TAF1B: variants seen among roughly 807,000 people sequenced by gnomAD.
TAF1B encodes TATA-box binding protein associated factor, RNA polymerase I subunit B, also known as TATA box-binding protein-associated factor RNA polymerase I subunit B.
A neutral mutation model predicts 83.9 loss-of-function variants in TAF1B; 61 were observed. The observed-to-expected ratio is 0.73, with a 90% CI of 0.59 to 0.90. TAF1B has a LOEUF of 0.90. Among genes scored for constraint, TAF1B ranks in the 40% least tolerant of loss-of-function variants. The pLI is 0.00. For missense variants in TAF1B, 625 were observed against 677.0 expected, an observed-to-expected ratio of 0.92 and a Z score of 0.85; for synonymous variants, 221 against 224.6, an observed-to-expected ratio of 0.98 and a Z score of 0.14.
chr2:9,843,573 G>T lies in TAF1B; in HGVS notation c.18+14G>T, dbSNP rs1271978537. Reference sequence around the variant, plus strand: ...CTCGAGGAGGCGGTAAGGAGGCGGTGCACCTGGCGGGCCACGATCGCCGGG... The same window carrying T: ...CTCGAGGAGGCGGTAAGGAGGCGGTTCACCTGGCGGGCCACGATCGCCGGG... On this transcript the variant is annotated intron_variant, in intron 1 of 14. Transcript: ENST00000263663. 6.6e-7 allele frequency: 1 copy of T among 1,518,278 alleles called. No homozygotes were observed. Among genetic ancestry groups the T allele is most frequent in the Non-Finnish European group, 8.8e-7 (1 of 1,129,984 alleles). The allele number at this position is 1,518,278 out of a possible 1,614,324, so 94.1% of individuals were successfully genotyped here. A position where few individuals can be genotyped will look rare whatever the true frequency, so the allele number is the denominator to read the frequency against.
At chr2:9,929,657 T>C (rs1272095454) in intron 14 of TAF1B, among the ~76,000 whole-genome samples, 1 of 152,186 alleles carries the variant, frequency 6.6e-6, no homozygotes, top group Non-Finnish European at 1.5e-5. Context: ...TTTTTTGTTG[T>C]GTCTCTGCCA....
At position 9,919,585 on chromosome 2, in the gene TAF1B, T is replaced by C. The variant is rs757093516; in HGVS notation, c.1343-13T>C. ...TACTTGTTATTTTGTTTCCTTTTTT[T>C]CTCCGGTTCCAGAAATGGTGGTGAA... is the stretch of plus-strand genomic sequence containing the variant. On this transcript the variant is annotated splice_polypyrimidine_tract_variant and intron_variant, in intron 13 of 14. Transcript: ENST00000263663. 5.0e-6 allele frequency: 8 copies of C among 1,606,718 alleles called. No individual in the cohort carries two copies. In the African/African-American group the frequency reaches 5.4e-5, roughly 11 times the overall value.
At chr2:9,859,749 C>T (rs1325231745) in intron 5 of TAF1B, among the ~76,000 whole-genome samples, 2 of 152,174 alleles carry the variant, frequency 1.3e-5, no homozygotes, top group Non-Finnish European at 2.9e-5. Context: ...TTTCTTTCAT[C>T]TTCCTGTCTT....
Position 9,845,448 on chromosome 2 carries a change from G to A in TAF1B, c.117+130G>A. 4.5e-6 allele frequency: 3 copies of A among 669,020 alleles called. No individual in the cohort carries two copies. In the South Asian group the frequency reaches 5.1e-5, roughly 11 times the overall value. The allele number at this position is 669,020 out of a possible 1,614,324, so 41.4% of individuals were successfully genotyped here. A position where few individuals can be genotyped will look rare whatever the true frequency, so the allele number is the denominator to read the frequency against. On this transcript the variant is annotated intron_variant, in intron 2 of 14. Transcript: ENST00000263663. The stretch of plus-strand genomic sequence containing the variant: ...CATGCAATGCCAACATTCCAAGGAT[G>A]CATGTGGTCTTAGGTACTTACACAT...
At position 9,875,907 on chromosome 2, in the gene TAF1B, C is replaced by G. The variant is rs756614764; in HGVS notation, c.596C>G (p.Ser199Ter). 3.1e-6 allele frequency: 5 copies of G among 1,612,132 alleles called. No individual in the cohort carries two copies. Among genetic ancestry groups the G allele is most frequent in the Middle Eastern group, 1.6e-4 (1 of 6,080 alleles). ...CSGSLDGVEY[S>*]QRKEKGIVKM... ...GGATCTCTGGATGGAGTTGAATACTCACAACGAAAGGAGAAGGGAATCGTG... is the reference window on the plus strand; with the variant it reads ...GGATCTCTGGATGGAGTTGAATACTGACAACGAAAGGAGAAGGGAATCGTG... Residue 199 changes from serine to a stop codon, truncating the protein, a stop_gained, in exon 7 of 15, where the codon TCA (serine) becomes TGA (stop). Transcript: ENST00000263663. LOFTEE classifies it high-confidence loss of function.
chr2:9,879,623 C>G (rs1211986235), intron 7 of TAF1B, among the ~76,000 whole-genome samples: 1 of 152,110 alleles, frequency 6.6e-6, no homozygotes, highest in Non-Finnish European at 1.5e-5. Context: ...AGCCCTAAAG[C>G]AAGAGCTGTG....
Position 9,933,814 on chromosome 2 carries a change from T to A in TAF1B, c.1597T>A (p.Ser533Thr), listed in dbSNP as rs1312461269. The A allele has an allele frequency of 3.1e-6, 5 of 1,613,492 alleles. No homozygotes were observed. The highest frequency in any genetic ancestry group is 4.2e-6 in the Non-Finnish European group (5 of 1,179,790). The change falls in exon 15 of 15, where the codon TCA becomes ACA. Residue 533 changes from serine (S) to threonine (T), a missense_variant. By Grantham distance (58) the Ser-to-Thr change is moderately conservative. Coordinates refer to ENST00000263663, the MANE Select transcript of TAF1B (RefSeq NM_005680.3). ...TACACATGTGACAACCTATGAAGAA[T>A]CAAATTATTCTCTGAGTTATCAGTT... ...YCTHVTTYEE[S>T]NYSLSYQFIL...
intron 14 of TAF1B, among the ~76,000 whole-genome samples, chr2:9,924,175 C>G (rs1052500251): frequency 1.3e-5 from 2 of 152,166 alleles, no homozygotes; most frequent in African/African-American, 4.8e-5. Context: ...CTTACCTGTT[C>G]TAGACCAGAG....
At chr2:9,845,709 G>A (rs1376358763) in intron 2 of TAF1B, 7 of 258,006 alleles carry the variant, frequency 2.7e-5, no homozygotes, top group African/African-American at 6.8e-5. Flanking sequence ...TGGGCCGGGC[G>A]CAGTGGCTTA....
chr2:9,916,834 G>GTTGTTTTTTTTTTT (rs1572282272), intron 12 of TAF1B, among the ~76,000 whole-genome samples: 2 of 44,848 alleles, frequency 4.5e-5, no homozygotes, highest in African/African-American at 9.1e-5. Context: ...TTTCCTTTCT[G>GTTGTTTTTTTTTTT]TTCTTTTTTT....
At chr2:9,910,948 T>C (rs1558263143) in intron 10 of TAF1B, 35 bp downstream of exon 10, 3 of 1,567,058 alleles carry the variant, frequency 1.9e-6, no homozygotes, top group Non-Finnish European at 2.6e-6. Flanking sequence ...AAGTAACATT[T>C]TATGGTGCTG....
At chr2:9,915,508 G>C (rs1457235377) in intron 12 of TAF1B, among the ~76,000 whole-genome samples, 1 of 152,070 alleles carries the variant, frequency 6.6e-6, no homozygotes, top group Admixed American at 6.6e-5. Flanking sequence ...TACCAAAGAT[G>C]ATATCAAGAT....
intron 9 of TAF1B, among the ~76,000 whole-genome samples, chr2:9,909,580 G>A (rs979600410): frequency 2.6e-5 from 4 of 152,180 alleles, no homozygotes; most frequent in Non-Finnish European, 4.4e-5. Flanking sequence ...ATGAGAGCAG[G>A]GGAATACGAT....
At chr2:9,875,648 A>G (rs909066248) in intron 6 of TAF1B, among the ~76,000 whole-genome samples, 1 of 152,156 alleles carries the variant, frequency 6.6e-6, no homozygotes, top group African/African-American at 2.4e-5. Flanking sequence ...TCATGAGAAC[A>G]GCATGGAAAA....
At chr2:9,889,243 G>A (rs1256104651) in intron 8 of TAF1B, among the ~76,000 whole-genome samples, 3 of 151,970 alleles carry the variant, frequency 2.0e-5, no homozygotes, top group Non-Finnish European at 4.4e-5. Flanking sequence ...TAGACCACTT[G>A]ATATGGTACC....
intron 3 of TAF1B, 88 bp downstream of exon 3, chr2:9,849,548 G>C: frequency 9.9e-7 from 1 of 1,005,544 alleles, no homozygotes; most frequent in Non-Finnish European, 1.4e-6. Context: ...ATTTTAAGTA[G>C]GTTCTAGAGA....
chr2:9,893,978 T>A (rs1302430935), intron 8 of TAF1B, among the ~76,000 whole-genome samples: 1 of 152,204 alleles, frequency 6.6e-6, no homozygotes, highest in Non-Finnish European at 1.5e-5. Flanking sequence ...TTCAGAATTT[T>A]AAAGGCAGCT....
rs1305086378 is a variant in TAF1B at position 9,914,454 on chromosome 2, T to C, written c.1271+1205T>C. Among the ~76,000 whole-genome samples, 1 of 152,132 alleles carries C rather than the reference T, an allele frequency of 6.6e-6. No individual in the cohort carries two copies. The highest frequency in any genetic ancestry group is 1.5e-5 in the Non-Finnish European group (1 of 68,010). The stretch of plus-strand genomic sequence containing the variant: ...GGAGAATCAGCCTTCCTTTCTGTGG[T>C]GCTAGCTGGGGTTAGTCCTGACGGA... On this transcript the variant is annotated intron_variant, in intron 12 of 14. Transcript: ENST00000263663. This position sits in a 1 kb window ranked among gnomAD's most constrained non-coding sequence, Gnocchi z 4.3.
chr2:9,928,542 T>C (rs981622936), intron 14 of TAF1B, among the ~76,000 whole-genome samples: 1 of 152,212 alleles, frequency 6.6e-6, no homozygotes, highest in African/African-American at 2.4e-5. Flanking sequence ...CGTTGAGCAG[T>C]GGTTTGTAGT....
Sources: gnomAD v4.1 joint callset for allele counts (sites outside exome capture counted in the v4.1 genomes callset) on GRCh38, gnomAD v4.1.1 for gene constraint, Gnocchi (gnomAD v3.1) non-coding constraint, MANE v1.5 for transcripts, NCBI Gene and HGNC (gene_info 2026-07-23, HGNC 2026-07-21) for gene names.